Variants in ADGRG4 observed in about 807,000 individuals in gnomAD.
ADGRG4 encodes adhesion G protein-coupled receptor G4, also known as G protein-coupled receptor 112.
A neutral mutation model predicts 126.2 loss-of-function variants in ADGRG4; 122 were observed. The ratio of observed to expected loss-of-function variants is 0.97; its 90% CI spans 0.83 to 1.12. ADGRG4 has a LOEUF of 1.12. Among genes scored for constraint, ADGRG4 ranks in the 50% most tolerant of loss-of-function variants. ADGRG4 has a pLI of 0.00. For synonymous variants in ADGRG4, 943 were observed against 838.7 expected, an observed-to-expected ratio of 1.12 and a Z score of -2.15; for missense variants, 2,481 against 2,251.8, an observed-to-expected ratio of 1.10 and a Z score of -2.06.
intron 15 of ADGRG4, among the ~76,000 whole-genome samples, chrX:136,384,700 A>G (rs1025553704): frequency 9.0e-6 from 1 of 111,330 alleles, no homozygotes; most frequent in Non-Finnish European, 1.9e-5. Flanking sequence ...AGGATTCAGG[A>G]TTGGCAAGTC....
intron 13 of ADGRG4, among the ~76,000 whole-genome samples, chrX:136,368,824 G>T (rs1047618163): frequency 8.9e-6 from 1 of 112,508 alleles, no homozygotes; most frequent in Non-Finnish European, 1.9e-5. Flanking sequence ...GCAATTGTAA[G>T]TTTATATAAT....
At position 136,345,190 on chromosome X, in the gene ADGRG4, C is replaced by T. The variant is rs1168852170; in HGVS notation, c.1484C>T (p.Thr495Ile). The T allele has an allele frequency of 8.3e-7, 1 of 1,209,904 alleles. No individual in the cohort carries two copies. The highest frequency in any genetic ancestry group is 2.2e-5 in the Admixed American group (1 of 45,971). ...PRNQTAFPLATTDMKIAFTVH... is the reference protein window; with the variant it reads ...PRNQTAFPLAITDMKIAFTVH... ...AACCAGACAGCATTTCCATTGGCAA[C>T]AACTGATATGAAAATAGCATTTACA... The change falls in exon 6 of 26, where the codon ACA (threonine) becomes ATA (isoleucine). Residue 495 changes from threonine (T) to isoleucine (I), a missense_variant. By Grantham distance (89) the Thr-to-Ile change is moderately conservative. Transcript: ENST00000394143.
At chrX:136,382,547 T>G (rs748306960) in intron 15 of ADGRG4, among the ~76,000 whole-genome samples, 7 of 111,780 alleles carry the variant, frequency 6.3e-5, no homozygotes, top group African/African-American at 2.3e-4. Flanking sequence ...TTTTTCCTGG[T>G]GGAGTGACCC....
At chrX:136,409,393 A>C (rs1009091879) in intron 23 of ADGRG4, among the ~76,000 whole-genome samples, 2 of 111,639 alleles carry the variant, frequency 1.8e-5, no homozygotes, top group African/African-American at 6.5e-5. Context: ...AGTTCATTGG[A>C]ATTCACAGAA....
chrX:136,337,937 T>C (rs1354190202), intron 5 of ADGRG4, among the ~76,000 whole-genome samples: 1 of 111,506 alleles, frequency 9.0e-6, no homozygotes, highest in East Asian at 2.8e-4. Flanking sequence ...GCTATGGTAA[T>C]ATGAATGTTG....
intron 15 of ADGRG4, 50 bp downstream of exon 15, chrX:136,373,114 G>A: frequency 9.2e-7 from 1 of 1,083,213 alleles, no homozygotes; most frequent in Non-Finnish European, 1.2e-6. Context: ...CACTGTTTCA[G>A]GTCTTCATTC....
chrX:136,347,697 T>A lies in ADGRG4; in HGVS notation c.3991T>A (p.Ser1331Thr), dbSNP rs762085462. 3 of 1,209,577 alleles carry A rather than the reference T, an allele frequency of 2.5e-6. No individual in the cohort carries two copies. The highest frequency in any genetic ancestry group is 5.9e-5 in the East Asian group (2 of 33,795). Residue 1331 changes from serine (S) to threonine (T), a missense_variant, in exon 6 of 26, where the codon TCT becomes ACT. Coordinates refer to ENST00000394143, the MANE Select transcript of ADGRG4 (RefSeq NM_153834.4). ...TCCCTCTGATGGAAATTTGGCTTCATCTCCCACTTCTGGAAGCACACAGAT... is the reference window on the plus strand; with the variant it reads ...TCCCTCTGATGGAAATTTGGCTTCAACTCCCACTTCTGGAAGCACACAGAT... ...GTPSDGNLASSPTSGSTQITP... is the reference protein window; with the variant it reads ...GTPSDGNLASTPTSGSTQITP...
intron 8 of ADGRG4, among the ~76,000 whole-genome samples, chrX:136,353,742 C>T (rs955050381): frequency 4.5e-5 from 5 of 111,724 alleles, no homozygotes; most frequent in African/African-American, 9.8e-5. Context: ...GGACAATGCA[C>T]GAGGATTTAT....
intron 15 of ADGRG4, among the ~76,000 whole-genome samples, chrX:136,386,711 T>C (rs1374098595): frequency 8.9e-6 from 1 of 112,098 alleles, no homozygotes; most frequent in Non-Finnish European, 1.9e-5. Flanking sequence ...CAGGTAAGTG[T>C]GTCCACATAT....
In ADGRG4 at chrX:136,412,264, G is replaced by A; in HGVS notation, c.8936-1G>A. Reference sequence around the variant, plus strand: ...AGACTGACCTTCTTCTTCTGGCTTAGGATTCTTCATTTTTGTGTTTCACTG... The same window carrying A: ...AGACTGACCTTCTTCTTCTGGCTTAAGATTCTTCATTTTTGTGTTTCACTG... On this transcript the variant is annotated splice_acceptor_variant, in intron 23 of 25. Coordinates refer to ENST00000394143, the MANE Select transcript of ADGRG4 (RefSeq NM_153834.4). LOFTEE classifies it high-confidence loss of function. 1 of 1,181,565 alleles carries A rather than the reference G, an allele frequency of 8.5e-7. No homozygotes were observed. Among genetic ancestry groups the A allele is most frequent in the East Asian group, 3.0e-5 (1 of 33,736 alleles).
At chrX:136,361,425 C>T in intron 11 of ADGRG4, 30 bp from the exon 12 acceptor site, 1 of 1,060,230 alleles carries the variant, frequency 9.4e-7, no homozygotes, top group Non-Finnish European at 1.2e-6. Flanking sequence ...GCCTCTTGTC[C>T]TTTAAAATGT....
At chrX:136,371,122 T>G (rs2075190632) in intron 13 of ADGRG4, among the ~76,000 whole-genome samples, 1 of 112,108 alleles carries the variant, frequency 8.9e-6, no homozygotes, top group Non-Finnish European at 1.9e-5. Flanking sequence ...AATGAAAACT[T>G]TTTATGAATA....
chrX:136,323,571 TAGA>T (rs917179542), intron 5 of ADGRG4, among the ~76,000 whole-genome samples, 179 bp downstream of exon 5: 1 of 81,729 alleles, frequency 1.2e-5, no homozygotes, highest in Non-Finnish European at 2.2e-5. Context: ...AAGAATAGGA[TAGA>T]AGAACACACA....
At chrX:136,318,775 C>T (rs2074820993) in intron 4 of ADGRG4, among the ~76,000 whole-genome samples, 1 of 112,199 alleles carries the variant, frequency 8.9e-6, no homozygotes, top group African/African-American at 3.2e-5. Context: ...TGGTGATTAT[C>T]TCTGAGTGGT....
chrX:136,357,700 T>C lies in ADGRG4; in HGVS notation c.6928-4T>C. On this transcript the variant is annotated splice_polypyrimidine_tract_variant and splice_region_variant and intron_variant, in intron 9 of 25. Coordinates refer to ENST00000394143, the MANE Select transcript of ADGRG4 (RefSeq NM_153834.4). The stretch of plus-strand genomic sequence containing the variant: ...AGTGACTATGTACTTTTCTTTTGCA[T>C]TAGTTGGAACAGAGAGAAGGACAAG... 1 of 1,177,124 alleles carries C rather than the reference T, an allele frequency of 8.5e-7. No homozygotes were observed.
At chrX:136,398,352 T>C (rs770841825) in intron 20 of ADGRG4, among the ~76,000 whole-genome samples, 1 of 112,092 alleles carries the variant, frequency 8.9e-6, no homozygotes, top group South Asian at 3.7e-4. Context: ...ATATTCACAA[T>C]GCATATATCA....
chrX:136,383,884 C>T (rs56944704), intron 15 of ADGRG4, among the ~76,000 whole-genome samples: 24 of 52,886 alleles, frequency 4.5e-4, no homozygotes, highest in East Asian at 3.6e-3. Context: ...CTTCTTTCTT[C>T]CTTTCCTTTC....
chrX:136,326,086 C>A (rs2074871218), intron 5 of ADGRG4, among the ~76,000 whole-genome samples: 1 of 111,913 alleles, frequency 8.9e-6, no homozygotes, highest in Non-Finnish European at 1.9e-5. Context: ...CACAATCTAA[C>A]GTAACAAACA....
At position 136,353,344 on chromosome X, in the gene ADGRG4, C is replaced by A; in HGVS notation, c.6830C>A (p.Ser2277Tyr). 1.2e-5 allele frequency: 14 copies of A among 1,184,210 alleles called. No homozygotes were observed. Among genetic ancestry groups the A allele is most frequent in the East Asian group, 3.0e-5 (1 of 33,629 alleles). Residue 2277 changes from serine (S) to tyrosine (Y), a missense_variant, in exon 8 of 26, where the codon TCT becomes TAT. Transcript: ENST00000394143. ...TTTTTTTGTCTTGTACAGTTGAATTCTATATTTCAGAACAGTGAATTTTCT... is the reference window on the plus strand; with the variant it reads ...TTTTTTTGTCTTGTACAGTTGAATTATATATTTCAGAACAGTGAATTTTCT... ...INEFTENSLN[S>Y]IFQNSEFSLA...
Sources: gnomAD v4.1 joint callset for allele counts (sites outside exome capture counted in the v4.1 genomes callset) on GRCh38, gnomAD v4.1.1 for gene constraint, MANE v1.5 for transcripts, NCBI Gene and HGNC (gene_info 2026-07-23, HGNC 2026-07-21) for gene names.